Variants in CCSER2 observed in about 807,000 individuals in gnomAD.
CCSER2 encodes coiled-coil serine rich protein 2, also known as serine-rich coiled-coil domain-containing protein 2.
A neutral mutation model predicts 92.3 loss-of-function variants in CCSER2; 46 were observed. The observed-to-expected ratio is 0.50, with a 90% CI of 0.39 to 0.64. The LOEUF (loss-of-function observed/expected upper bound fraction) is 0.64, where lower values mean the gene tolerates loss of function less well. Among genes scored for constraint, CCSER2 ranks in the 30% least tolerant of loss-of-function variants. The pLI, the probability that CCSER2 is intolerant of heterozygous loss-of-function variation, is 0.00. For synonymous variants in CCSER2, 433 were observed against 431.4 expected (o/e 1.00, Z -0.04); for missense variants, 1,244 against 1,238.9 (o/e 1.00, Z -0.06).
At chr10:84,479,080 G>A (rs1847314402) in intron 9 of CCSER2, among the ~76,000 whole-genome samples, 1 of 152,072 alleles carries the variant, frequency 6.6e-6, no homozygotes, top group Non-Finnish European at 1.5e-5. Flanking sequence ...GTTCCATTTT[G>A]CCATCCTCAT....
chr10:84,509,615 G>GA (rs1308901131), intron 9 of CCSER2, among the ~76,000 whole-genome samples: 1 of 152,192 alleles, frequency 6.6e-6, no homozygotes. Context: ...AGTAAGACTT[G>GA]AAGTTGCTGA....
intron 7 of CCSER2, among the ~76,000 whole-genome samples, chr10:84,466,715 G>C (rs992613699): frequency 1.3e-5 from 2 of 150,558 alleles, no homozygotes; most frequent in African/African-American, 4.9e-5. Context: ...GGGTTTCACC[G>C]TGTTAGCCAG....
chr10:84,376,667 GTT>G (rs1564613063), intron 3 of CCSER2, among the ~76,000 whole-genome samples: 1 of 152,014 alleles, frequency 6.6e-6, no homozygotes, highest in South Asian at 2.1e-4. Flanking sequence ...TTTGATATAT[GTT>G]TTTTTGGTGA....
chr10:84,446,785 C>G (rs187798544), intron 6 of CCSER2, among the ~76,000 whole-genome samples: 1 of 152,130 alleles, frequency 6.6e-6, no homozygotes, highest in East Asian at 1.9e-4. Flanking sequence ...TGTTTTTCCT[C>G]TCATTTTTAC....
intron 1 of CCSER2, among the ~76,000 whole-genome samples, chr10:84,366,649 T>C (rs1008336412): frequency 1.3e-5 from 2 of 152,184 alleles, no homozygotes; most frequent in Non-Finnish European, 2.9e-5. Flanking sequence ...TTAGAAAATA[T>C]AGGATGGATT....
chr10:84,370,086 G>T (rs1322331874), intron 1 of CCSER2, among the ~76,000 whole-genome samples: 1 of 151,992 alleles, frequency 6.6e-6, no homozygotes, highest in Non-Finnish European at 1.5e-5. Flanking sequence ...GTAATGTGAT[G>T]CCTCCAGATT....
At chr10:84,484,359 CGCCTCG>C (rs974058607) in intron 9 of CCSER2, among the ~76,000 whole-genome samples, 3 of 151,546 alleles carry the variant, frequency 2.0e-5, no homozygotes, top group Non-Finnish European at 4.4e-5. Context: ...GTGATCTGTC[CGCCTCG>C]GCCTCCCAAA....
intron 6 of CCSER2, among the ~76,000 whole-genome samples, chr10:84,439,157 G>A (rs977240497): frequency 6.7e-6 from 1 of 149,400 alleles, no homozygotes; most frequent in African/African-American, 2.5e-5. Context: ...TTTTGTTTGG[G>A]ATCTTCAAGT....
chr10:84,514,367 T>C lies in CCSER2; in HGVS notation c.*100T>C, dbSNP rs1336808506. The C allele has an allele frequency of 1.2e-6, 1 of 806,672 alleles. No homozygotes were observed. Among genetic ancestry groups the C allele is most frequent in the Non-Finnish European group, 1.9e-6 (1 of 527,816 alleles). The allele number at this position is 806,672 out of a possible 1,614,324, so 50.0% of individuals were successfully genotyped here. Reference sequence around the variant, plus strand: ...CTTGCTACTGTGGTGGAGGTTCCATTGAAAGCCTGCAAATCTTAAATTAAA... The same window carrying C: ...CTTGCTACTGTGGTGGAGGTTCCATCGAAAGCCTGCAAATCTTAAATTAAA... On this transcript the variant is annotated 3_prime_UTR_variant, in exon 10 of 10. Transcript: ENST00000372088.
At chr10:84,418,556 A>T (rs1388954087) in intron 4 of CCSER2, among the ~76,000 whole-genome samples, 1 of 152,196 alleles carries the variant, frequency 6.6e-6, no homozygotes, top group African/African-American at 2.4e-5. Flanking sequence ...CTGTCAATCA[A>T]CATTTGCCTG....
intron 1 of CCSER2, among the ~76,000 whole-genome samples, chr10:84,332,434 A>T (rs74888172): frequency 0.45 from 29,491 of 65,748 alleles, 7,941 homozygotes; most frequent in East Asian, 0.61. Flanking sequence ...ATATATATAT[A>T]TATTTTTTTT....
chr10:84,428,844 G>C (rs1458150916), intron 5 of CCSER2, among the ~76,000 whole-genome samples: 1 of 151,936 alleles, frequency 6.6e-6, no homozygotes, highest in Non-Finnish European at 1.5e-5. Flanking sequence ...TACTTTTTCT[G>C]TGTCTATGGA....
intron 6 of CCSER2, among the ~76,000 whole-genome samples, chr10:84,439,885 G>A (rs1844419635): frequency 6.6e-6 from 1 of 152,260 alleles, no homozygotes; most frequent in East Asian, 1.9e-4. Flanking sequence ...GGCTGGTCTG[G>A]GGAGATGATT....
At chr10:84,466,414 A>G (rs1369199630) in intron 7 of CCSER2, among the ~76,000 whole-genome samples, 3 of 152,190 alleles carry the variant, frequency 2.0e-5, no homozygotes, top group African/African-American at 7.2e-5. Context: ...ATGCTTAGCT[A>G]TACTTCTCAA....
chr10:84,401,642 C>T (rs1276254497), intron 3 of CCSER2, among the ~76,000 whole-genome samples: 1 of 152,118 alleles, frequency 6.6e-6, no homozygotes, highest in Admixed American at 6.5e-5. Context: ...TAGACTTTTC[C>T]TGAAAGTAGA....
At chr10:84,405,334 G>C (rs116318982) in intron 3 of CCSER2, among the ~76,000 whole-genome samples, 3,631 of 150,218 alleles carry the variant, frequency 0.024, 136 homozygotes, top group African/African-American at 0.083. Flanking sequence ...TTCCAAAATC[G>C]ATCTTTGGTG....
chr10:84,485,463 G>A (rs980813102), intron 9 of CCSER2, among the ~76,000 whole-genome samples: 1 of 152,004 alleles, frequency 6.6e-6, no homozygotes, highest in African/African-American at 2.4e-5. Flanking sequence ...TTTATAAATA[G>A]TATCTTACAG....
chr10:84,434,485 A>G (rs1251654159), intron 5 of CCSER2, among the ~76,000 whole-genome samples: 1 of 151,964 alleles, frequency 6.6e-6, no homozygotes, highest in Non-Finnish European at 1.5e-5. Flanking sequence ...GTGGGATTTT[A>G]TGTCACTTTT....
At chr10:84,350,215 G>C (rs1844785194) in intron 1 of CCSER2, among the ~76,000 whole-genome samples, 1 of 152,090 alleles carries the variant, frequency 6.6e-6, no homozygotes, top group South Asian at 2.1e-4. Context: ...ACATTAAGTG[G>C]CTTTCCACTG....
Sources: gnomAD v4.1 joint callset for allele counts (sites outside exome capture counted in the v4.1 genomes callset) on GRCh38, gnomAD v4.1.1 for gene constraint, MANE v1.5 for transcripts, NCBI Gene and HGNC (gene_info 2026-07-23, HGNC 2026-07-21) for gene names.